The following UBE2R2 variants were observed in gnomAD, a reference collection of about 807,000 sequenced individuals.
The protein encoded by UBE2R2 is ubiquitin-conjugating enzyme E2 R2.
UBE2R2 carries 1 observed loss-of-function variant against 27.8 expected under a neutral mutation model. The observed-to-expected ratio is 0.04, with a 90% CI of 0.01 to 0.17. UBE2R2 has a LOEUF of 0.17. Ranked by LOEUF, UBE2R2 falls within the 10% of genes least tolerant of loss-of-function variation. The pLI, the probability that UBE2R2 is intolerant of heterozygous loss-of-function variation, is 1.00. For synonymous variants in UBE2R2, 106 were observed against 113.3 expected (o/e 0.94, Z 0.41); for missense variants, 100 against 291.0 (o/e 0.34, Z 4.78).
chr9:33,918,409 A>G lies in UBE2R2; in HGVS notation c.*1172A>G, dbSNP rs1371275041. On this transcript the variant is annotated 3_prime_UTR_variant, in exon 5 of 5. Transcript: ENST00000263228. ...GATCTGAACTTTTTTTCTCCTTTCAACATACTTAGGCTGTGGAGTGCAAGC... is the reference window on the plus strand; with the variant it reads ...GATCTGAACTTTTTTTCTCCTTTCAGCATACTTAGGCTGTGGAGTGCAAGC... 1 of 151,778 alleles carries G rather than the reference A, an allele frequency of 6.6e-6. No homozygotes were observed. The highest frequency in any genetic ancestry group is 2.4e-5 in the African/African-American group (1 of 41,262). The allele number at this position is 151,778 out of a possible 1,614,324, so 9.4% of individuals were successfully genotyped here. A position where few individuals can be genotyped will look rare whatever the true frequency, so the allele number is the denominator to read the frequency against.
chr9:33,828,722 C>T (rs2985703), intron 1 of UBE2R2, among the ~76,000 whole-genome samples: 6,085 of 145,542 alleles, frequency 0.042, 264 homozygotes, highest in African/African-American at 0.11. Context: ...CCACCATGCC[C>T]AGCTAATTTT....
chr9:33,870,154 T>C (rs1378027452), intron 1 of UBE2R2, among the ~76,000 whole-genome samples: 2 of 151,994 alleles, frequency 1.3e-5, no homozygotes, highest in Non-Finnish European at 2.9e-5. Context: ...CTTATTTTTA[T>C]TTTTTTGAGA....
chr9:33,864,317 G>C (rs1821312353), intron 1 of UBE2R2, among the ~76,000 whole-genome samples: 1 of 152,016 alleles, frequency 6.6e-6, no homozygotes, highest in South Asian at 2.1e-4. Context: ...TACCCAGGAT[G>C]TCTTATCCTG....
In UBE2R2 at chr9:33,823,234, C is replaced by T. The variant is rs182638811; in HGVS notation, c.177+5300C>T. On this transcript the variant is annotated intron_variant, in intron 1 of 4. Coordinates refer to ENST00000263228, the MANE Select transcript of UBE2R2 (RefSeq NM_017811.4). The stretch of plus-strand genomic sequence containing the variant: ...TATTATTATTTTAGAGACAGAGTCT[C>T]GCTATGTTGTCCAGGCTTGTCTTGA... Among the ~76,000 whole-genome samples, 198 of 151,600 alleles carry T rather than the reference C, an allele frequency of 1.3e-3. 1 individual carries two copies. The highest frequency in any genetic ancestry group is 9.2e-3 in the South Asian group (44 of 4,788).
intron 1 of UBE2R2, among the ~76,000 whole-genome samples, chr9:33,848,657 A>C (rs1305504093): frequency 6.6e-6 from 1 of 151,664 alleles, no homozygotes; most frequent in Non-Finnish European, 1.5e-5. Flanking sequence ...GCTGGAGTGC[A>C]ATGGCGTGAT....
rs1214174739 is a variant in UBE2R2, at chr9:33,917,744, TTTACA to T, written c.*511_*515del. 1 of 165,900 alleles carries T rather than the reference TTTACA, an allele frequency of 6.0e-6. No homozygotes were observed. Among genetic ancestry groups the T allele is most frequent in the African/African-American group, 2.4e-5 (1 of 41,750 alleles). 10.3% of individuals were successfully genotyped at this position (165,900 alleles called of 1,614,324 possible). On this transcript the variant is annotated 3_prime_UTR_variant, in exon 5 of 5. Coordinates refer to ENST00000263228, the MANE Select transcript of UBE2R2 (RefSeq NM_017811.4). ...AAATTTGCCAAGGTTTAGCTGCTCA[TTTACA>T]TTAGTGTGTGTGCATTCGTTCAGCC...
At chr9:33,850,843 G>C (rs1249606263) in intron 1 of UBE2R2, among the ~76,000 whole-genome samples, 1 of 152,180 alleles carries the variant, frequency 6.6e-6, no homozygotes, top group Non-Finnish European at 1.5e-5. Flanking sequence ...TGGAGAGAAA[G>C]TGAGTCTTTT....
At chr9:33,816,917 T>A (rs1417545698), upstream of UBE2R2, among the ~76,000 whole-genome samples, 6 of 152,216 alleles carry the variant, frequency 3.9e-5, no homozygotes, top group Non-Finnish European at 8.8e-5. Flanking sequence ...TGGTCCCCGC[T>A]GCTTCTGGGA....
At chr9:33,880,963 C>T (rs1287561697) in intron 1 of UBE2R2, among the ~76,000 whole-genome samples, 1 of 152,136 alleles carries the variant, frequency 6.6e-6, no homozygotes, top group African/African-American at 2.4e-5. Flanking sequence ...GAAATCAGTC[C>T]CTGGTGCCAA....
chr9:33,864,687 C>CT (rs142329368), intron 1 of UBE2R2, among the ~76,000 whole-genome samples: 4,643 of 151,354 alleles, frequency 0.031, 155 homozygotes, highest in East Asian at 0.089. Context: ...GTAGCTGGGA[C>CT]TGCAGGCCTG....
At chr9:33,821,399 C>T (rs1250280248) in intron 1 of UBE2R2, among the ~76,000 whole-genome samples, 1 of 151,936 alleles carries the variant, frequency 6.6e-6, no homozygotes, top group Non-Finnish European at 1.5e-5. Flanking sequence ...TTCAAAGGAT[C>T]CTCCTTTCTC....
intron 1 of UBE2R2, among the ~76,000 whole-genome samples, chr9:33,859,406 C>T (rs887823470): frequency 6.6e-6 from 1 of 152,140 alleles, no homozygotes; most frequent in African/African-American, 2.4e-5. Flanking sequence ...GAATCCCTAA[C>T]CTGCCTGATA....
chr9:33,865,069 C>G (rs1439530622), intron 1 of UBE2R2, among the ~76,000 whole-genome samples: 1 of 151,956 alleles, frequency 6.6e-6, no homozygotes, highest in African/African-American at 2.4e-5. Context: ...ACATGTTGCC[C>G]AGGCTGGTCT....
intron 1 of UBE2R2, among the ~76,000 whole-genome samples, chr9:33,873,818 G>T (rs947506129): frequency 6.6e-6 from 1 of 152,022 alleles, no homozygotes; most frequent in Non-Finnish European, 1.5e-5. Flanking sequence ...AAAAATTACG[G>T]TGTGTGTGGA....
upstream of UBE2R2, among the ~76,000 whole-genome samples, chr9:33,815,746 T>C (rs1825740444): frequency 6.6e-6 from 1 of 151,248 alleles, no homozygotes; most frequent in African/African-American, 2.4e-5. Flanking sequence ...CCTGTCTCAA[T>C]AAAAGGGGTG....
In UBE2R2 at chr9:33,826,748, C is replaced by G. The variant is rs1311140568; in HGVS notation, c.177+8814C>G. On this transcript the variant is annotated intron_variant, in intron 1 of 4. Coordinates refer to ENST00000263228, the MANE Select transcript of UBE2R2 (RefSeq NM_017811.4). ...AAAAGTGAATAGTCCACTTTAAACA[C>G]CTTTATTTGATTTAGTAACAAATAC... Among the ~76,000 whole-genome samples the G allele has an allele frequency of 3.3e-5, 5 of 152,096 alleles. No individual in the cohort carries two copies. In the East Asian group the frequency reaches 9.7e-4, roughly 29 times the overall value.
intron 1 of UBE2R2, among the ~76,000 whole-genome samples, chr9:33,877,275 A>G (rs1420290240): frequency 2.1e-5 from 3 of 146,250 alleles, no homozygotes; most frequent in African/African-American, 7.6e-5. Flanking sequence ...TCCGCCTCCC[A>G]GGTTCATGCC....
At chr9:33,845,702 A>G (rs1415417833) in intron 1 of UBE2R2, among the ~76,000 whole-genome samples, 1 of 152,148 alleles carries the variant, frequency 6.6e-6, no homozygotes, top group Middle Eastern at 3.2e-3. Context: ...TACTGTGATA[A>G]GATACTTCAT....
intron 1 of UBE2R2, among the ~76,000 whole-genome samples, chr9:33,858,511 C>T (rs117227722): frequency 0.016 from 2,387 of 152,196 alleles, 26 homozygotes; most frequent in Non-Finnish European, 0.025. Flanking sequence ...ACCTCCCAGG[C>T]TCAAGCAGTC....
Sources: allele counts gnomAD v4.1 joint callset (sites outside exome capture counted in the v4.1 genomes callset), GRCh38; gene constraint gnomAD v4.1.1; transcripts MANE v1.5; gene names NCBI Gene and HGNC (gene_info 2026-07-23, HGNC 2026-07-21).